The following LHFPL6 variants were observed in gnomAD, a reference collection of about 807,000 sequenced individuals.
The protein encoded by LHFPL6 is LHFPL tetraspan subfamily member 6 protein.
A neutral mutation model predicts 20.6 loss-of-function variants in LHFPL6; 9 were observed. The observed-to-expected ratio is 0.44, with a 90% CI of 0.26 to 0.76. The LOEUF is 0.76. LHFPL6 is among the 30% of genes least tolerant of loss of function. The pLI, the probability that LHFPL6 is intolerant of heterozygous loss-of-function variation, is 0.20. For missense variants in LHFPL6, 218 were observed against 253.5 expected (o/e 0.86, Z 0.95); for synonymous variants, 105 against 98.7 (o/e 1.06, Z -0.38).
chr13:39,571,472 C>A (rs187973317), intron 2 of LHFPL6, among the ~76,000 whole-genome samples: 1 of 152,214 alleles, frequency 6.6e-6, no homozygotes, highest in East Asian at 1.9e-4. Context: ...GAGGTGACAG[C>A]CTGACATCAG....
chr13:39,401,411 T>A (rs1257310248), intron 2 of LHFPL6, among the ~76,000 whole-genome samples: 1 of 152,174 alleles, frequency 6.6e-6, no homozygotes, highest in Non-Finnish European at 1.5e-5. Flanking sequence ...TGAAGGAGAC[T>A]TGGAGTCAAC....
intron 2 of LHFPL6, among the ~76,000 whole-genome samples, chr13:39,379,491 A>G (rs2138360635): frequency 6.6e-6 from 1 of 152,288 alleles, no homozygotes; most frequent in Admixed American, 6.5e-5. Flanking sequence ...AAATAGGAAA[A>G]TCCATTAATA....
chr13:39,590,160 C>A (rs1198989756), intron 2 of LHFPL6, among the ~76,000 whole-genome samples: 1 of 152,028 alleles, frequency 6.6e-6, no homozygotes, highest in Non-Finnish European at 1.5e-5. Context: ...GTGTTCTCAG[C>A]TGTTAAAAAA....
chr13:39,522,217 C>A (rs548845464), intron 2 of LHFPL6, among the ~76,000 whole-genome samples: 1 of 152,178 alleles, frequency 6.6e-6, no homozygotes, highest in East Asian at 1.9e-4. Flanking sequence ...TCCAGTAAAC[C>A]CTCACAAAAA....
At chr13:39,403,375 C>T (rs59374187) in intron 2 of LHFPL6, among the ~76,000 whole-genome samples, 2,921 of 152,282 alleles carry the variant, frequency 0.019, 109 homozygotes, top group African/African-American at 0.066. Flanking sequence ...TTTATCATTG[C>T]CTCCTTTCCA....
chr13:39,496,692 A>G (rs932480210), intron 2 of LHFPL6, among the ~76,000 whole-genome samples: 4 of 152,222 alleles, frequency 2.6e-5, no homozygotes, highest in Non-Finnish European at 4.4e-5. Context: ...TAGACCAAAA[A>G]TACTCACCAC....
intron 3 of LHFPL6, among the ~76,000 whole-genome samples, chr13:39,359,136 C>A (rs146990237): frequency 6.6e-6 from 1 of 152,104 alleles, no homozygotes; most frequent in Non-Finnish European, 1.5e-5. Context: ...ACTCCAGCCT[C>A]GGTAACAGAG....
chr13:39,599,979 C>T (rs1208017598), intron 2 of LHFPL6, among the ~76,000 whole-genome samples: 1 of 152,146 alleles, frequency 6.6e-6, no homozygotes, highest in Non-Finnish European at 1.5e-5. Context: ...CATATTTCAC[C>T]AGGGTGGACT....
At chr13:39,449,767 AT>A (rs1232871355) in intron 2 of LHFPL6, among the ~76,000 whole-genome samples, 2 of 151,908 alleles carry the variant, frequency 1.3e-5, no homozygotes, top group Non-Finnish European at 2.9e-5. Flanking sequence ...AAGTCACGAT[AT>A]CTGTGACTCA....
At chr13:39,427,858 T>G (rs1308717637) in intron 2 of LHFPL6, among the ~76,000 whole-genome samples, 2 of 152,200 alleles carry the variant, frequency 1.3e-5, no homozygotes, top group Non-Finnish European at 2.9e-5. Context: ...TCATGAATGG[T>G]TAGCACCGTC....
At chr13:39,467,070 C>T (rs192259074) in intron 2 of LHFPL6, among the ~76,000 whole-genome samples, 1 of 149,922 alleles carries the variant, frequency 6.7e-6, no homozygotes. Flanking sequence ...CAAGGAGCTA[C>T]AGCAAATATG....
chr13:39,343,023 C>T lies in LHFPL6; in HGVS notation c.*913G>A, dbSNP rs767731736. 2.2e-4 allele frequency: 42 copies of T among 194,174 alleles called. 1 individual carries two copies. Among genetic ancestry groups the T allele is most frequent in the African/African-American group, 8.3e-4 (36 of 43,328 alleles). 12.0% of individuals were successfully genotyped at this position (194,174 alleles called of 1,614,324 possible). ...GTACAATAATGGACAAAAGAAAACA[C>T]GATCCAATGACTGGAAAATGTCTCT... On this transcript the variant is annotated 3_prime_UTR_variant, in exon 4 of 4. Transcript: ENST00000379589.
At chr13:39,456,825 CTTG>C (rs1872582690) in intron 2 of LHFPL6, among the ~76,000 whole-genome samples, 2 of 150,270 alleles carry the variant, frequency 1.3e-5, no homozygotes, top group Admixed American at 1.3e-4. Flanking sequence ...GAGACAGAGT[CTTG>C]CTCTGTAGCC....
At chr13:39,470,270 C>T (rs1192356069) in intron 2 of LHFPL6, among the ~76,000 whole-genome samples, 3 of 152,104 alleles carry the variant, frequency 2.0e-5, no homozygotes, top group Non-Finnish European at 4.4e-5. Context: ...CAAAAACCCC[C>T]AAATCTAATA....
intron 2 of LHFPL6, among the ~76,000 whole-genome samples, chr13:39,442,062 C>T (rs9548773): frequency 0.014 from 2,138 of 152,136 alleles, 24 homozygotes; most frequent in Non-Finnish European, 0.02. Context: ...CTCCTGACCT[C>T]AAGTGATCCA....
chr13:39,550,916 G>C (rs112934254), intron 2 of LHFPL6, among the ~76,000 whole-genome samples: 4,625 of 152,176 alleles, frequency 0.03, 201 homozygotes, highest in African/African-American at 0.089. Context: ...GTGAAATACA[G>C]AAAGTTTGCA....
At chr13:39,508,833 C>T (rs1330163428) in intron 2 of LHFPL6, among the ~76,000 whole-genome samples, 3 of 152,182 alleles carry the variant, frequency 2.0e-5, no homozygotes, top group East Asian at 1.9e-4. Context: ...TGAATACATG[C>T]TCTCATTTCT....
chr13:39,499,485 T>C (rs745730098), intron 2 of LHFPL6, among the ~76,000 whole-genome samples: 37 of 152,308 alleles, frequency 2.4e-4, no homozygotes, highest in Middle Eastern at 6.8e-3. Flanking sequence ...TCTTTTCAGA[T>C]AACCACATTC....
intron 2 of LHFPL6, among the ~76,000 whole-genome samples, chr13:39,487,607 C>A (rs1174449316): frequency 6.6e-6 from 1 of 152,210 alleles, no homozygotes; most frequent in Non-Finnish European, 1.5e-5. Context: ...TTAGCAAATT[C>A]CCACATTAAT....
Sources: gnomAD v4.1 joint callset for allele counts (sites outside exome capture counted in the v4.1 genomes callset) on GRCh38, gnomAD v4.1.1 for gene constraint, MANE v1.5 for transcripts, NCBI Gene and HGNC (gene_info 2026-07-23, HGNC 2026-07-21) for gene names.